The following XDH variants were observed in gnomAD, a reference collection of about 807,000 sequenced individuals.
XDH encodes xanthine dehydrogenase, also known as xanthine dehydrogenase/oxidase.
XDH carries 138 observed loss-of-function variants against 156.1 expected under a neutral mutation model. The observed-to-expected ratio is 0.88, with a 90% confidence interval of 0.77 to 1.02. XDH has a LOEUF of 1.02. Among genes scored for constraint, XDH ranks in the 50% least tolerant of loss-of-function variants. The probability of loss-of-function intolerance (pLI) is 0.00; values close to 1 mark genes in which losing one functional copy is unlikely to be tolerated. For synonymous variants in XDH, 669 were observed against 625.7 expected, an observed-to-expected ratio of 1.07 and a Z score of -1.03; for missense variants, 1,849 against 1,684.9, an observed-to-expected ratio of 1.10 and a Z score of -1.71.
intron 6 of XDH, among the ~76,000 whole-genome samples, chr2:31,395,554 C>T (rs1464653127): frequency 2.0e-5 from 3 of 152,198 alleles, no homozygotes; most frequent in African/African-American, 7.2e-5. Flanking sequence ...ACTGTGAGGA[C>T]CTGGTGGAGA....
chr2:31,395,481 TC>T (rs1476854266), intron 6 of XDH, among the ~76,000 whole-genome samples: 1 of 152,200 alleles, frequency 6.6e-6, no homozygotes, highest in African/African-American at 2.4e-5. Context: ...TCTGGCATAT[TC>T]CAAAATGGTT....
At chr2:31,352,805 C>T (rs12618694) in intron 24 of XDH, among the ~76,000 whole-genome samples, 57,174 of 151,778 alleles carry the variant, frequency 0.38, 13,022 homozygotes, top group Non-Finnish European at 0.49. Flanking sequence ...CCTAACTGAG[C>T]CAATTAGGCA....
rs749650275 is a variant in XDH, at chr2:31,366,018, C to T, written c.2414G>A (p.Arg805Gln). 18 of 1,614,166 alleles carry T rather than the reference C, an allele frequency of 1.1e-5. No homozygotes were observed. The East Asian group carries it at 1.8e-4, about 16-fold the overall frequency. ...MGGGFGGKET[R>Q]STVVSTAVAL... is the part of the protein sequence containing the mutation. ...CACTGCCGTGGACACCACAGTGCTC[C>T]GGGTCTCCTTGCCTCCAAAGCCTCC... Residue 805 changes from arginine (R) to glutamine (Q), a missense_variant, in exon 22 of 36, where the codon CGG becomes CAG. Arg to Gln is a conservative substitution (Grantham distance 43). Coordinates refer to ENST00000379416, the MANE Select transcript of XDH (RefSeq NM_000379.4).
intron 6 of XDH, among the ~76,000 whole-genome samples, chr2:31,388,598 TTTCTC>T (rs1156868407): frequency 6.6e-6 from 1 of 152,198 alleles, no homozygotes; most frequent in Non-Finnish European, 1.5e-5. Flanking sequence ...CTTATGCCCA[TTTCTC>T]TTCTTCAGTG....
chr2:31,366,865 T>G lies in XDH; in HGVS notation c.2322+5A>C. The G allele has an allele frequency of 6.2e-7, 1 of 1,614,094 alleles. No individual in the cohort carries two copies. The highest frequency in any genetic ancestry group is 8.5e-7 in the Non-Finnish European group (1 of 1,180,026). ...GCCCCTTGAGCTGACCCAAAAGGCATCTACCTGGGTCTTCATGGTGTTCTG... is the reference window on the plus strand; with the variant it reads ...GCCCCTTGAGCTGACCCAAAAGGCAGCTACCTGGGTCTTCATGGTGTTCTG... On this transcript the variant is annotated splice_donor_5th_base_variant and intron_variant, in intron 21 of 35. Transcript: ENST00000379416.
intron 29 of XDH, 73 bp downstream of exon 29, chr2:31,347,449 C>A: frequency 6.2e-7 from 1 of 1,607,658 alleles, no homozygotes; most frequent in Non-Finnish European, 8.5e-7. Context: ...TTCTAGCTCC[C>A]ACCCAGGGAG....
At chr2:31,342,331 T>A (rs1272476709) in intron 31 of XDH, 34 bp from the exon 32 acceptor site, 1 of 1,570,982 alleles carries the variant, frequency 6.4e-7, no homozygotes, top group African/African-American at 1.3e-5. Context: ...TGCACATGTA[T>A]TAACATGAAC....
chr2:31,336,543 G>A (rs1317782713), intron 35 of XDH, among the ~76,000 whole-genome samples: 2 of 151,874 alleles, frequency 1.3e-5, no homozygotes, highest in South Asian at 4.2e-4. Context: ...AGCCATAGTG[G>A]GAAGGTTCTG....
chr2:31,358,802 C>T (rs374967924), intron 24 of XDH, among the ~76,000 whole-genome samples: 39 of 152,098 alleles, frequency 2.6e-4, no homozygotes, highest in African/African-American at 8.7e-4. Flanking sequence ...ACAAACAAAA[C>T]CCTACCAATA....
chr2:31,375,539 C>T lies in XDH; in HGVS notation c.1443G>A (p.Glu481=), dbSNP rs781664789. 1.2e-6 allele frequency: 2 copies of T among 1,613,584 alleles called. No homozygotes were observed. The highest frequency in any genetic ancestry group is 3.3e-5 in the Admixed American group (2 of 60,028). ...QRQLSKLWKE[E]LLQDVCAGLA... Reference sequence around the variant, plus strand: ...GTCCTGCACACACGTCCTGCAGCAGCTCCTCCTTCCAGAGCCTGCCAGAGA... The same window carrying T: ...GTCCTGCACACACGTCCTGCAGCAGTTCCTCCTTCCAGAGCCTGCCAGAGA... The change falls in exon 15 of 36, where the codon GAG becomes GAA. Residue 481 remains glutamate, a synonymous_variant. Transcript: ENST00000379416.
chr2:31,369,465 T>C (rs1236410248), intron 18 of XDH, among the ~76,000 whole-genome samples: 4 of 152,176 alleles, frequency 2.6e-5, no homozygotes, highest in Non-Finnish European at 5.9e-5. Context: ...GTACAACACA[T>C]CACTTTAGAA....
At chr2:31,384,063 C>T (rs1686515051) in intron 9 of XDH, 2 of 563,374 alleles carry the variant, frequency 3.6e-6, no homozygotes, top group Admixed American at 2.8e-5. Flanking sequence ...CTAGGTCTTT[C>T]TTTCCCTCTC....
intron 17 of XDH, 96 bp from the exon 18 acceptor site, chr2:31,370,574 G>C: frequency 6.6e-7 from 1 of 1,511,832 alleles, no homozygotes; most frequent in East Asian, 2.3e-5. Context: ...TGATTGGCTT[G>C]GCTCCATCCT....
chr2:31,410,817 G>A (rs1687321913), intron 1 of XDH, among the ~76,000 whole-genome samples: 1 of 152,172 alleles, frequency 6.6e-6, no homozygotes, highest in African/African-American at 2.4e-5. Context: ...CTAGATTAGA[G>A]GAGACTAAAG....
chr2:31,336,059 C>T (rs776877693), intron 35 of XDH, 51 bp from the exon 36 acceptor site: 3 of 1,590,744 alleles, frequency 1.9e-6, no homozygotes, highest in Non-Finnish European at 2.6e-6. Flanking sequence ...GATCATGCTC[C>T]TCCCACTCTC....
chr2:31,400,489 A>G (rs1687028341), intron 4 of XDH, among the ~76,000 whole-genome samples: 1 of 152,022 alleles, frequency 6.6e-6, no homozygotes, highest in Non-Finnish European at 1.5e-5. Context: ...AGTTTCCTCA[A>G]ACAAAATGCT....
chr2:31,382,318 T>C lies in XDH; in HGVS notation c.1039-592A>G, dbSNP rs188040043. 2.8e-3 allele frequency among the ~76,000 whole-genome samples: 420 copies of C among 152,218 alleles called. 2 individuals are homozygous for C. Among genetic ancestry groups the C allele is most frequent in the African/African-American group, 9.7e-3 (404 of 41,520 alleles). ...CTTATCTACAGTTTATGTTTCCTTA[T>C]CTATAATCAGAAGTGACAGGTACTT... On this transcript the variant is annotated intron_variant, in intron 11 of 35. Coordinates refer to ENST00000379416, the MANE Select transcript of XDH (RefSeq NM_000379.4).
At chr2:31,394,038 T>G (rs1178222283) in intron 6 of XDH, among the ~76,000 whole-genome samples, 1 of 152,146 alleles carries the variant, frequency 6.6e-6, no homozygotes, top group African/African-American at 2.4e-5. Flanking sequence ...TTGCTATGAT[T>G]GTCTTGAACA....
intron 27 of XDH, 152 bp downstream of exon 27, chr2:31,348,747 C>T: frequency 1.4e-6 from 1 of 719,652 alleles, no homozygotes; most frequent in Non-Finnish European, 2.4e-6. Context: ...ACAAATAGGA[C>T]TGTGCAAGTT....
Sources: gnomAD v4.1 joint callset for allele counts (sites outside exome capture counted in the v4.1 genomes callset) on GRCh38, gnomAD v4.1.1 for gene constraint, MANE v1.5 for transcripts, NCBI Gene and HGNC (gene_info 2026-07-23, HGNC 2026-07-21) for gene names.